Variants in RCBTB1 observed in about 807,000 individuals in gnomAD.
The protein encoded by RCBTB1 is RCC1 and BTB domain containing protein 1.
In RCBTB1, 46 loss-of-function variants were observed where a neutral mutation model predicts 62.4. That is an observed-to-expected ratio of 0.74 (90% confidence interval 0.58 to 0.94). RCBTB1 has a LOEUF of 0.94. Ranked by LOEUF, RCBTB1 falls within the 40% of genes least tolerant of loss-of-function variation. RCBTB1 has a pLI of 0.00. For synonymous variants in RCBTB1, 222 were observed against 245.8 expected (o/e 0.90, Z 0.91); for missense variants, 565 against 654.9 (o/e 0.86, Z 1.50).
At chr13:49,544,665 A>G (rs1274923842) in intron 10 of RCBTB1, 72 bp downstream of exon 10, 11 of 1,246,574 alleles carry the variant, frequency 8.8e-6, no homozygotes, top group Non-Finnish European at 1.1e-5. Context: ...ATTTTTTATC[A>G]GTACTCATTT....
intron 4 of RCBTB1, among the ~76,000 whole-genome samples, chr13:49,563,620 C>T (rs1962654079): frequency 6.6e-6 from 1 of 152,064 alleles, no homozygotes; most frequent in South Asian, 2.1e-4. Context: ...GATCGTGCCA[C>T]TGCACTCCAG....
chr13:49,543,775 T>C (rs553614349), intron 10 of RCBTB1, among the ~76,000 whole-genome samples: 8 of 152,342 alleles, frequency 5.3e-5, no homozygotes, highest in Non-Finnish European at 1.2e-4. Flanking sequence ...AGCCTTGATC[T>C]ACTGGGCTCA....
At chr13:49,541,856 G>A in intron 10 of RCBTB1, 29 bp from the exon 11 acceptor site, 1 of 1,566,084 alleles carries the variant, frequency 6.4e-7, no homozygotes, top group Non-Finnish European at 8.6e-7. Context: ...AGTCTTATTT[G>A]TTCAGCAGCA....
Position 49,555,499 on chromosome 13 carries a change from A to G in RCBTB1, c.603+16T>C, listed in dbSNP as rs758090303. On this transcript the variant is annotated intron_variant, in intron 6 of 12. Transcript: ENST00000378302. The stretch of plus-strand genomic sequence containing the variant: ...AAAAGAAGGTAGAAAGGGAAATGGG[A>G]GTGGAGACACCTCACCTCGCCATTG... The G allele has an allele frequency of 1.9e-6, 3 of 1,607,614 alleles. No individual in the cohort carries two copies. Among genetic ancestry groups the G allele is most frequent in the Middle Eastern group, 3.3e-4 (2 of 6,046 alleles).
At position 49,571,350 on chromosome 13, in the gene RCBTB1, A is replaced by G. The variant is rs144405400; in HGVS notation, c.-41-4030T>C. ...AAGAAGAGCGAAACCCCATCTCAAA[A>G]AAAAAAGAAGTATCCACTCTCCCAA... On this transcript the variant is annotated intron_variant, in intron 2 of 12. Transcript: ENST00000378302. Among the ~76,000 whole-genome samples the G allele has an allele frequency of 5.6e-3, 860 of 152,278 alleles. 5 individuals carry two copies. Among genetic ancestry groups the G allele is most frequent in the Non-Finnish European group, 8.9e-3 (608 of 68,014 alleles).
intron 4 of RCBTB1, among the ~76,000 whole-genome samples, chr13:49,560,571 G>A (rs1406874514): frequency 1.3e-5 from 2 of 151,666 alleles, no homozygotes; most frequent in Non-Finnish European, 2.9e-5. Flanking sequence ...GGGCTTCTTT[G>A]AAGCAGACTA....
chr13:49,556,839 C>A (rs1388427415), intron 5 of RCBTB1, among the ~76,000 whole-genome samples: 1 of 152,142 alleles, frequency 6.6e-6, no homozygotes, highest in African/African-American at 2.4e-5. Context: ...ATTCAAAGTA[C>A]CATATGCTTA....
At chr13:49,559,204 A>G (rs1402943882) in intron 5 of RCBTB1, among the ~76,000 whole-genome samples, 1 of 152,266 alleles carries the variant, frequency 6.6e-6, no homozygotes, top group Admixed American at 6.5e-5. Context: ...AATATTATTC[A>G]GCCCTGAAAA....
At chr13:49,569,261 T>G (rs1397150755) in intron 2 of RCBTB1, among the ~76,000 whole-genome samples, 3 of 152,170 alleles carry the variant, frequency 2.0e-5, no homozygotes, top group Non-Finnish European at 4.4e-5. Context: ...GGTAAGATGA[T>G]CTTAAATGCT....
At chr13:49,552,031 T>C (rs1415244247) in intron 7 of RCBTB1, 147 bp downstream of exon 7, 8 of 646,768 alleles carry the variant, frequency 1.2e-5, no homozygotes, top group Non-Finnish European at 1.9e-5. Context: ...CGTGGGAAAT[T>C]AGGGAAGATA....
At chr13:49,582,054 C>A (rs1051035679) in intron 1 of RCBTB1, among the ~76,000 whole-genome samples, 4 of 152,210 alleles carry the variant, frequency 2.6e-5, no homozygotes, top group African/African-American at 7.2e-5. Flanking sequence ...TTTCTGTTAA[C>A]CTTTTTAATG....
At chr13:49,568,179 T>C (rs928228612) in intron 2 of RCBTB1, among the ~76,000 whole-genome samples, 1 of 152,212 alleles carries the variant, frequency 6.6e-6, no homozygotes, top group Non-Finnish European at 1.5e-5. Flanking sequence ...TTTTCCCTAC[T>C]TAACAGTACA....
intron 12 of RCBTB1, among the ~76,000 whole-genome samples, chr13:49,535,199 G>T (rs575243529): frequency 4.0e-4 from 61 of 152,140 alleles, no homozygotes; most frequent in Non-Finnish European, 6.5e-4. Flanking sequence ...CAGTCAAACA[G>T]AAGTCACCAA....
At chr13:49,534,936 A>G (rs1374830342) in intron 12 of RCBTB1, among the ~76,000 whole-genome samples, 1 of 152,192 alleles carries the variant, frequency 6.6e-6, no homozygotes, top group Non-Finnish European at 1.5e-5. Flanking sequence ...CAGGAGACTG[A>G]GACAGGAGAA....
At chr13:49,544,088 C>T (rs1407062815) in intron 10 of RCBTB1, among the ~76,000 whole-genome samples, 4 of 152,196 alleles carry the variant, frequency 2.6e-5, no homozygotes, top group Non-Finnish European at 5.9e-5. Context: ...AGGGCATATA[C>T]ACTTTTCAAT....
At chr13:49,556,254 T>C (rs915695635) in intron 5 of RCBTB1, among the ~76,000 whole-genome samples, 15 of 149,940 alleles carry the variant, frequency 1.0e-4, no homozygotes, top group African/African-American at 3.7e-4. Flanking sequence ...TGGAGTGCAG[T>C]GGTGCGATCT....
chr13:49,563,043 T>A (rs1962575991), intron 4 of RCBTB1, among the ~76,000 whole-genome samples: 1 of 150,020 alleles, frequency 6.7e-6, no homozygotes, highest in South Asian at 2.1e-4. Flanking sequence ...CTTAAAAAAA[T>A]AAAAATAAAA....
In RCBTB1 at chr13:49,547,998, AAAACTCCTGAGCTCAAGCAATC is replaced by A. The variant is rs1960960314; in HGVS notation, c.1045+1438_1045+1459del. ...TTCGCCATGTTGCCCAGGCTGGTCT[AAAACTCCTGAGCTCAAGCAATC>A]CACCCACCTTGGCCTCCCAAAGTGC... On this transcript the variant is annotated intron_variant, in intron 9 of 12. Transcript: ENST00000378302. Among the ~76,000 whole-genome samples, 3 of 152,080 alleles carry A rather than the reference AAAACTCCTGAGCTCAAGCAATC, an allele frequency of 2.0e-5. No homozygotes were observed. In the South Asian group the frequency reaches 6.2e-4, roughly 32 times the overall value.
At chr13:49,546,144 CA>C (rs113825223) in intron 9 of RCBTB1, 35 of 978,958 alleles carry the variant, frequency 3.6e-5, no homozygotes, top group Admixed American at 6.2e-5. Flanking sequence ...CCCACCCATC[CA>C]AAAAAAAACC....
Sources: allele counts gnomAD v4.1 joint callset (sites outside exome capture counted in the v4.1 genomes callset), GRCh38; gene constraint gnomAD v4.1.1; transcripts MANE v1.5; gene names NCBI Gene and HGNC (gene_info 2026-07-23, HGNC 2026-07-21).